The following SVEP1 variants were observed in gnomAD, a reference collection of about 807,000 sequenced individuals.
The protein encoded by SVEP1 is sushi, von Willebrand factor type A, EGF and pentraxin domain-containing protein 1.
SVEP1 carries 164 observed loss-of-function variants against 367.3 expected under a neutral mutation model. That is an observed-to-expected ratio of 0.45 (90% confidence interval 0.39 to 0.51). SVEP1 has a LOEUF of 0.51. Among genes scored for constraint, SVEP1 ranks in the 20% least tolerant of loss-of-function variants. The probability of loss-of-function intolerance (pLI) is 0.00; values close to 1 mark genes in which losing one functional copy is unlikely to be tolerated. For missense variants in SVEP1, 4,117 were observed against 4,425.3 expected (o/e 0.93, Z 1.98); for synonymous variants, 1,666 against 1,611.6 (o/e 1.03, Z -0.81).
Position 110,407,236 on chromosome 9 carries a change from T to A in SVEP1, c.8364A>T (p.Gly2788=), listed in dbSNP as rs1459646596. The change falls in exon 38 of 48, where the codon GGA becomes GGT. Residue 2788 remains glycine (G), a synonymous_variant. Coordinates refer to ENST00000374469, the MANE Select transcript of SVEP1 (RefSeq NM_153366.4). ...ACGTGCTCAGGTATGTGTAGTTGCT[T>A]CCTTTGATGGATCCATTCATGACTG... ...PNPVMNGSIK[G]SNYTYLSTLY... is the part of the protein sequence containing the mutation. 6.2e-7 allele frequency: 1 copy of A among 1,613,920 alleles called. No individual in the cohort carries two copies.
At chr9:110,398,290 T>C (rs986243641) in intron 40 of SVEP1, among the ~76,000 whole-genome samples, 1 of 152,200 alleles carries the variant, frequency 6.6e-6, no homozygotes, top group African/African-American at 2.4e-5. Flanking sequence ...GCTAGCCATA[T>C]GTAGAAAGCT....
intron 1 of SVEP1, among the ~76,000 whole-genome samples, chr9:110,553,184 T>C (rs1830312964): frequency 6.6e-6 from 1 of 152,160 alleles, no homozygotes; most frequent in African/African-American, 2.4e-5. Flanking sequence ...TATCTCTTCC[T>C]TTGCTGTAAC....
At chr9:110,507,132 C>T (rs1485173273) in intron 5 of SVEP1, among the ~76,000 whole-genome samples, 1 of 152,272 alleles carries the variant, frequency 6.6e-6, no homozygotes, top group African/African-American at 2.4e-5. Flanking sequence ...CATTGGACAT[C>T]GTACAAAAGA....
chr9:110,427,827 A>G, intron 35 of SVEP1, 69 bp from the exon 36 acceptor site: 1 of 1,509,706 alleles, frequency 6.6e-7, no homozygotes, highest in Non-Finnish European at 8.9e-7. Context: ...AAACAGGAAG[A>G]ACTCTGGAGA....
intron 22 of SVEP1, among the ~76,000 whole-genome samples, chr9:110,454,986 AAGAC>A (rs1828756053): frequency 6.6e-6 from 1 of 152,230 alleles, no homozygotes; most frequent in South Asian, 2.1e-4. Flanking sequence ...GTCATAAATA[AAGAC>A]AAAGATTTTG....
intron 36 of SVEP1, among the ~76,000 whole-genome samples, chr9:110,425,419 A>G (rs1183719673): frequency 6.6e-6 from 1 of 152,328 alleles, no homozygotes; most frequent in African/African-American, 2.4e-5. Flanking sequence ...GGCAGATCTG[A>G]TTCAATCTTT....
Position 110,407,774 on chromosome 9 carries a change from A to G in SVEP1, c.7826T>C (p.Met2609Thr). The change falls in exon 38 of 48, where the codon ATG becomes ACG. Residue 2609 changes from methionine to threonine, a missense_variant. Met to Thr is a moderately conservative substitution (Grantham distance 81, BLOSUM62 -1). Around this residue, in one of 4 missense-constraint regions of SVEP1, gnomAD observed 1,765 missense variants for 1,781.1 expected, o/e 0.99. Coordinates refer to ENST00000374469, the MANE Select transcript of SVEP1 (RefSeq NM_153366.4). ...AGGAGGGAGGCCACAGTCTATTGGC[A>G]TACATGTTGGGATGGAACTTGACCA... ...SGWSSSIPTC[M>T]PIDCGLPPHI... The G allele has an allele frequency of 6.2e-7, 1 of 1,613,996 alleles. No individual in the cohort carries two copies. Among genetic ancestry groups the G allele is most frequent in the Non-Finnish European group, 8.5e-7 (1 of 1,179,886 alleles).
intron 1 of SVEP1, among the ~76,000 whole-genome samples, chr9:110,552,919 C>G (rs1371029318): frequency 6.6e-6 from 1 of 152,126 alleles, no homozygotes; most frequent in South Asian, 2.1e-4. Context: ...TTTAAGACAC[C>G]TGAAGGAGTC....
chr9:110,517,613 A>AC (rs1451792286), intron 3 of SVEP1, among the ~76,000 whole-genome samples: 2 of 151,184 alleles, frequency 1.3e-5, no homozygotes, highest in African/African-American at 2.4e-5. Flanking sequence ...AAAAAAAAAA[A>AC]ATGTAAAAAA....
chr9:110,401,569 CAAT>C (rs1227924821), intron 39 of SVEP1, among the ~76,000 whole-genome samples: 2 of 148,370 alleles, frequency 1.3e-5, no homozygotes, highest in African/African-American at 4.9e-5. Flanking sequence ...ATAAAGAAAT[CAAT>C]AATGATTAAA....
At position 110,383,174 on chromosome 9, in the gene SVEP1, A is replaced by AT. The variant is rs1482293992; in HGVS notation, c.10237+2723dup. On this transcript the variant is annotated intron_variant, in intron 43 of 47. Transcript: ENST00000374469. Reference sequence around the variant, plus strand: ...TGAGTTTTCAGTGTTTTCTTCATTGATTTTTTTTCTCATCTTCCTGAGTTC... The same window carrying AT: ...TGAGTTTTCAGTGTTTTCTTCATTGATTTTTTTTTCTCATCTTCCTGAGTTC... Among the ~76,000 whole-genome samples, 24 of 151,754 alleles carry AT rather than the reference A, an allele frequency of 1.6e-4. No homozygotes were observed. The East Asian group carries it at 3.9e-3, about 25-fold the overall frequency.
chr9:110,511,341 C>G (rs1588086742), intron 5 of SVEP1, among the ~76,000 whole-genome samples: 1 of 152,140 alleles, frequency 6.6e-6, no homozygotes, highest in East Asian at 1.9e-4. Flanking sequence ...TGAAAAGAGT[C>G]TATTTCCTGT....
intron 3 of SVEP1, among the ~76,000 whole-genome samples, chr9:110,531,397 C>T (rs1387079749): frequency 6.6e-6 from 1 of 152,084 alleles, no homozygotes; most frequent in East Asian, 1.9e-4. Flanking sequence ...ATGGGAAGGA[C>T]CCAGAGGAAG....
At chr9:110,443,403 T>G in intron 27 of SVEP1, 142 bp downstream of exon 27, 1 of 781,996 alleles carries the variant, frequency 1.3e-6, no homozygotes. Context: ...ACAGTTAGGA[T>G]AATCAGGGAG....
intron 5 of SVEP1, among the ~76,000 whole-genome samples, chr9:110,512,152 T>C (rs1301735546): frequency 1.3e-5 from 2 of 152,164 alleles, no homozygotes; most frequent in Non-Finnish European, 2.9e-5. Context: ...CTGGCAACCG[T>C]AGGTAGGGAG....
At chr9:110,370,935 T>C (rs1174037285) in intron 46 of SVEP1, among the ~76,000 whole-genome samples, 1 of 152,194 alleles carries the variant, frequency 6.6e-6, no homozygotes, top group Non-Finnish European at 1.5e-5. Context: ...GTATATAATA[T>C]ACATATTTTT....
intron 24 of SVEP1, among the ~76,000 whole-genome samples, chr9:110,449,082 AATCT>A (rs1828650866): frequency 6.6e-6 from 1 of 152,232 alleles, no homozygotes. Flanking sequence ...AAGCAAGAGA[AATCT>A]ATCTTGTATA....
At chr9:110,390,655 A>G (rs549614988) in intron 40 of SVEP1, among the ~76,000 whole-genome samples, 3 of 152,102 alleles carry the variant, frequency 2.0e-5, no homozygotes, top group Admixed American at 6.6e-5. Context: ...TCCACTGATT[A>G]TAAGAGCAGC....
chr9:110,429,378 T>A (rs10980384), intron 34 of SVEP1, 44 bp from the exon 35 acceptor site: 30,872 of 1,387,124 alleles, frequency 0.022, 420 homozygotes, highest in Non-Finnish European at 0.026. Flanking sequence ...TTTGCTTTAT[T>A]TTGCATGCCG....
Sources: gnomAD v4.1 joint callset for allele counts (sites outside exome capture counted in the v4.1 genomes callset) on GRCh38, gnomAD v4.1.1 for gene constraint, gnomAD v4.1.1 regional missense constraint, MANE v1.5 for transcripts, NCBI Gene and HGNC (gene_info 2026-07-23, HGNC 2026-07-21) for gene names.